The following EPHA5 variants were observed in gnomAD, a reference collection of about 807,000 sequenced individuals.
EPHA5 encodes the protein ephrin type-A receptor 5.
EPHA5 carries 60 observed loss-of-function variants against 105.0 expected under a neutral mutation model. That is an observed-to-expected ratio of 0.57 (90% CI 0.46 to 0.71). The LOEUF (loss-of-function observed/expected upper bound fraction) is 0.71. Among genes scored for constraint, EPHA5 ranks in the 30% least tolerant of loss-of-function variants. EPHA5 has a pLI of 0.00. For missense variants in EPHA5, 1,218 were observed against 1,274.7 expected (o/e 0.96, Z 0.68); for synonymous variants, 513 against 449.1 (o/e 1.14, Z -1.80).
intron 5 of EPHA5, among the ~76,000 whole-genome samples, chr4:65,470,072 A>G (rs1366339918): frequency 6.6e-6 from 1 of 152,088 alleles, no homozygotes; most frequent in Non-Finnish European, 1.5e-5. Context: ...AACAAGAGTT[A>G]TTTTCCATGA....
intron 8 of EPHA5, among the ~76,000 whole-genome samples, chr4:65,396,347 A>G (rs1721236945): frequency 6.6e-6 from 1 of 152,310 alleles, no homozygotes; most frequent in African/African-American, 2.4e-5. Flanking sequence ...TGACAGTTAT[A>G]TAGAAGCCTT....
intron 11 of EPHA5, among the ~76,000 whole-genome samples, chr4:65,358,023 A>G (rs1172730094): frequency 6.6e-6 from 1 of 151,392 alleles, no homozygotes; most frequent in African/African-American, 2.4e-5. Flanking sequence ...GTTTCTCAGA[A>G]TATGATATCT....
chr4:65,482,982 G>A (rs1300429287), intron 5 of EPHA5, among the ~76,000 whole-genome samples: 2 of 151,884 alleles, frequency 1.3e-5, no homozygotes, highest in Admixed American at 1.3e-4. Context: ...TTTACATTAG[G>A]TATATCTCCT....
chr4:65,629,497 T>C (rs1000426995), intron 2 of EPHA5, among the ~76,000 whole-genome samples: 7 of 152,166 alleles, frequency 4.6e-5, no homozygotes, highest in Admixed American at 1.3e-4. Context: ...GGGATAAAAT[T>C]CATATGTATT....
chr4:65,515,838 T>G (rs1295471888), intron 3 of EPHA5, among the ~76,000 whole-genome samples: 1 of 152,128 alleles, frequency 6.6e-6, no homozygotes, highest in Non-Finnish European at 1.5e-5. Context: ...CCCTTGCCAA[T>G]GTGGCTAGAC....
intron 1 of EPHA5, among the ~76,000 whole-genome samples, chr4:65,648,124 C>A (rs2149523189): frequency 6.6e-6 from 1 of 152,144 alleles, no homozygotes; most frequent in South Asian, 2.1e-4. Context: ...TGTTGAGATT[C>A]AAGGAGAGCA....
intron 5 of EPHA5, among the ~76,000 whole-genome samples, chr4:65,441,924 T>C (rs1175624584): frequency 1.3e-5 from 2 of 152,196 alleles, no homozygotes; most frequent in Non-Finnish European, 2.9e-5. Context: ...CTAACATTTA[T>C]AGAGCGTTCA....
intron 3 of EPHA5, among the ~76,000 whole-genome samples, chr4:65,585,385 G>T (rs1334064957): frequency 2.0e-5 from 3 of 151,432 alleles, no homozygotes; most frequent in African/African-American, 7.3e-5. Flanking sequence ...AAACAACCAG[G>T]TTTTAAATCT....
chr4:65,347,112 T>C (rs1253879397), intron 14 of EPHA5, among the ~76,000 whole-genome samples: 1 of 152,186 alleles, frequency 6.6e-6, no homozygotes, highest in Non-Finnish European at 1.5e-5. Context: ...ATATAGTATC[T>C]GTCTAACCAA....
chr4:65,441,208 T>C (rs1360034207), intron 5 of EPHA5, among the ~76,000 whole-genome samples: 2 of 151,954 alleles, frequency 1.3e-5, no homozygotes, highest in African/African-American at 4.8e-5. Flanking sequence ...ATATAAAAGT[T>C]GGTGATATAA....
At chr4:65,562,966 G>C (rs1739170489) in intron 3 of EPHA5, among the ~76,000 whole-genome samples, 1 of 151,878 alleles carries the variant, frequency 6.6e-6, no homozygotes, top group South Asian at 2.1e-4. Flanking sequence ...GACAGAGCAA[G>C]ACCCAGTCTC....
At chr4:65,431,727 G>A (rs1422835254) in intron 5 of EPHA5, among the ~76,000 whole-genome samples, 1 of 152,236 alleles carries the variant, frequency 6.6e-6, no homozygotes, top group East Asian at 1.9e-4. Context: ...AAAATAAATA[G>A]TTTGGGAAAA....
intron 8 of EPHA5, among the ~76,000 whole-genome samples, chr4:65,390,493 G>A (rs1053784950): frequency 5.3e-5 from 8 of 151,912 alleles, no homozygotes; most frequent in Admixed American, 3.3e-4. Context: ...TTCTAGGACC[G>A]GAGAGTATAA....
At chr4:65,565,292 A>T (rs1334427559) in intron 3 of EPHA5, among the ~76,000 whole-genome samples, 2 of 151,746 alleles carry the variant, frequency 1.3e-5, no homozygotes, top group Non-Finnish European at 3.0e-5. Context: ...CAATCTTTTC[A>T]AAAGAGCACT....
intron 4 of EPHA5, among the ~76,000 whole-genome samples, chr4:65,491,779 CAT>C (rs1218597205): frequency 2.0e-5 from 3 of 151,676 alleles, no homozygotes; most frequent in Non-Finnish European, 1.5e-5. Context: ...TAAGGGTAAC[CAT>C]ATCTTATTTG....
At chr4:65,488,829 T>C (rs1731127523) in intron 5 of EPHA5, among the ~76,000 whole-genome samples, 1 of 151,922 alleles carries the variant, frequency 6.6e-6, no homozygotes, top group Non-Finnish European at 1.5e-5. Context: ...ATTTTGAATG[T>C]TTCCGTCAGC....
At chr4:65,573,014 G>C (rs182957491) in intron 3 of EPHA5, among the ~76,000 whole-genome samples, 49 of 152,150 alleles carry the variant, frequency 3.2e-4, no homozygotes, top group Admixed American at 5.2e-4. Flanking sequence ...CCGGGCAACA[G>C]AGTGAGACTT....
chr4:65,396,529 A>G (rs1721258178), intron 8 of EPHA5, among the ~76,000 whole-genome samples: 1 of 152,182 alleles, frequency 6.6e-6, no homozygotes, highest in African/African-American at 2.4e-5. Context: ...ATCCCGTTGG[A>G]AGAACAGCAG....
At chr4:65,467,018 C>G (rs938144424) in intron 5 of EPHA5, among the ~76,000 whole-genome samples, 2 of 152,112 alleles carry the variant, frequency 1.3e-5, no homozygotes, top group Non-Finnish European at 2.9e-5. Context: ...GTGATAGCCC[C>G]TTAATTACCA....
Sources: allele counts gnomAD v4.1 joint callset (sites outside exome capture counted in the v4.1 genomes callset), GRCh38; gene constraint gnomAD v4.1.1; transcripts MANE v1.5; gene names NCBI Gene and HGNC (gene_info 2026-07-23, HGNC 2026-07-21).